Variants in GPHN observed in about 807,000 individuals in gnomAD.
GPHN encodes gephyrin.
Under a neutral mutation model 95.5 loss-of-function variants are expected in GPHN, and 17 were observed. That is an observed-to-expected ratio of 0.18 (90% CI 0.12 to 0.27). The LOEUF (loss-of-function observed/expected upper bound fraction) is 0.27, where lower values mean the gene tolerates loss of function less well. Ranked by LOEUF, GPHN falls within the 10% of genes least tolerant of loss-of-function variation. The pLI, the probability that GPHN is intolerant of heterozygous loss-of-function variation, is 1.00. For synonymous variants in GPHN, 320 were observed against 322.5 expected, an observed-to-expected ratio of 0.99 and a Z score of 0.08; for missense variants, 660 against 978.1, an observed-to-expected ratio of 0.67 and a Z score of 4.34.
the GPHN span, among the ~76,000 whole-genome samples, chr14:67,232,958 A>G: frequency 6.6e-6 from 1 of 152,206 alleles, no homozygotes. Context: ...CACAGCTACA[A>G]ATTTAAAACC....
intron 4 of GPHN, among the ~76,000 whole-genome samples, chr14:66,832,936 T>C (rs1239534443): frequency 2.0e-5 from 3 of 152,172 alleles, no homozygotes; most frequent in Non-Finnish European, 4.4e-5. Context: ...AAGGAAAATA[T>C]ATGAGCAAGG....
At chr14:66,933,629 T>A (rs1374139478) in intron 8 of GPHN, among the ~76,000 whole-genome samples, 1 of 152,232 alleles carries the variant, frequency 6.6e-6, no homozygotes, top group Non-Finnish European at 1.5e-5. Context: ...ACTTAAAATT[T>A]AAGCTTCAGT....
intron 4 of GPHN, among the ~76,000 whole-genome samples, chr14:66,848,943 C>G (rs2062456229): frequency 6.6e-6 from 1 of 151,774 alleles, no homozygotes. Context: ...TAATATCATC[C>G]CAATTATTAT....
the GPHN span, among the ~76,000 whole-genome samples, chr14:67,319,680 GC>G: frequency 6.6e-6 from 1 of 152,068 alleles, no homozygotes; most frequent in Non-Finnish European, 1.5e-5. Context: ...TTCGCATTGG[GC>G]CCCATTCAAA....
At chr14:67,263,885 A>G in the GPHN span, among the ~76,000 whole-genome samples, 71 of 152,306 alleles carry the variant, frequency 4.7e-4, no homozygotes, top group African/African-American at 1.5e-3. Context: ...AAATAGGGGT[A>G]GTAATTCTTT....
intron 1 of GPHN, among the ~76,000 whole-genome samples, chr14:66,536,922 C>T (rs2059166371): frequency 6.6e-6 from 1 of 152,096 alleles, no homozygotes; most frequent in South Asian, 2.1e-4. Flanking sequence ...TAGTTGGAAG[C>T]TCTTACTAGG....
At chr14:66,854,856 T>C (rs1437272149) in intron 4 of GPHN, among the ~76,000 whole-genome samples, 2 of 151,930 alleles carry the variant, frequency 1.3e-5, no homozygotes, top group Non-Finnish European at 2.9e-5. Context: ...TTTTTTTTTT[T>C]TTTTCTTCTG....
At chr14:67,377,185 C>T in the GPHN span, among the ~76,000 whole-genome samples, 2 of 152,198 alleles carry the variant, frequency 1.3e-5, no homozygotes, top group East Asian at 1.9e-4. Flanking sequence ...ATCATTTTAA[C>T]GACTTTGTTG....
the GPHN span, among the ~76,000 whole-genome samples, chr14:67,367,062 A>G: frequency 2.6e-5 from 4 of 152,280 alleles, no homozygotes; most frequent in East Asian, 3.9e-4. Context: ...CTAAGTCTAT[A>G]TAAATTCTTC....
chr14:67,396,612 G>A, the GPHN span, among the ~76,000 whole-genome samples: 2 of 152,198 alleles, frequency 1.3e-5, no homozygotes, highest in Non-Finnish European at 2.9e-5. Flanking sequence ...CTCTCTGCAT[G>A]CATTCTCTTC....
chr14:66,522,858 T>G (rs1305490533), intron 1 of GPHN, among the ~76,000 whole-genome samples: 3 of 151,976 alleles, frequency 2.0e-5, no homozygotes, highest in Non-Finnish European at 4.4e-5. Context: ...TGAAAATCTA[T>G]GATAGCAAAG....
chr14:67,328,717 C>T, the GPHN span, among the ~76,000 whole-genome samples: 1 of 152,292 alleles, frequency 6.6e-6, no homozygotes, highest in East Asian at 1.9e-4. Context: ...TTTCCCAGCA[C>T]CATTTATTAA....
chr14:67,148,391 A>C (rs1263811906), intron 18 of GPHN, among the ~76,000 whole-genome samples: 1 of 152,128 alleles, frequency 6.6e-6, no homozygotes, highest in Non-Finnish European at 1.5e-5. Flanking sequence ...AACCAGGGCA[A>C]ATACAATCTC....
At chr14:66,659,980 TCTTTTTC>T (rs767377684) in intron 1 of GPHN, among the ~76,000 whole-genome samples, 32 of 152,206 alleles carry the variant, frequency 2.1e-4, no homozygotes, top group Non-Finnish European at 2.4e-4. Flanking sequence ...CACTTGTTTC[TCTTTTTC>T]CTTTTTCCTT....
At chr14:67,473,651 G>T in the GPHN span, 2 of 1,579,922 alleles carry the variant, frequency 1.3e-6, no homozygotes, top group Non-Finnish European at 8.6e-7. This position sits in a 1 kb window ranked among gnomAD's most constrained non-coding sequence, Gnocchi z 6.5. Flanking sequence ...GGATGAAGCC[G>T]GTGGTGAACT....
chr14:66,551,906 C>T (rs2059826330), intron 1 of GPHN, among the ~76,000 whole-genome samples: 1 of 152,116 alleles, frequency 6.6e-6, no homozygotes, highest in Admixed American at 6.5e-5. Context: ...GCCACTCTTC[C>T]AACATTGGGG....
At chr14:67,552,683 C>T in the GPHN span, among the ~76,000 whole-genome samples, 1 of 151,532 alleles carries the variant, frequency 6.6e-6, no homozygotes, top group East Asian at 2.0e-4. Flanking sequence ...AGGAGAATGG[C>T]GGGAACCCGG....
At position 66,893,773 on chromosome 14, in the gene GPHN, A is replaced by G. The variant is rs1417744963; in HGVS notation, c.389+13740A>G. ...GAACTCCCATTCACAAATGCTTCAA[A>G]GAGAATAAAATACCTAGGAATCCAA... On this transcript the variant is annotated intron_variant, in intron 5 of 22. Coordinates refer to ENST00000478722, the MANE Select transcript of GPHN (RefSeq NM_020806.5). Among the ~76,000 whole-genome samples the G allele has an allele frequency of 6.6e-5, 10 of 152,304 alleles. 1 individual carries two copies. In the East Asian group the frequency reaches 1.4e-3, roughly 21 times the overall value.
chr14:67,123,429 C>A (rs1215884349), intron 17 of GPHN, among the ~76,000 whole-genome samples: 1 of 152,206 alleles, frequency 6.6e-6, no homozygotes, highest in Non-Finnish European at 1.5e-5. Context: ...AATCCCAGCA[C>A]TTTGGAAGGC....
Sources: allele counts gnomAD v4.1 joint callset (sites outside exome capture counted in the v4.1 genomes callset), GRCh38; gene constraint gnomAD v4.1.1; non-coding constraint Gnocchi (gnomAD v3.1); transcripts MANE v1.5; gene names NCBI Gene and HGNC (gene_info 2026-07-23, HGNC 2026-07-21).